SLC2A13: variants seen among roughly 807,000 people sequenced by gnomAD.
SLC2A13 encodes the protein proton myo-inositol cotransporter.
SLC2A13 carries 32 observed loss-of-function variants against 64.4 expected under a neutral mutation model. The observed-to-expected ratio is 0.50, with a 90% CI of 0.37 to 0.67. The LOEUF (loss-of-function observed/expected upper bound fraction) is 0.67, where lower values mean the gene tolerates loss of function less well. Among genes scored for constraint, SLC2A13 ranks in the 30% least tolerant of loss-of-function variants. SLC2A13 has a pLI of 0.00. For missense variants in SLC2A13, 743 were observed against 829.2 expected (o/e 0.90, Z 1.28); for synonymous variants, 338 against 327.1 (o/e 1.03, Z -0.36).
intron 3 of SLC2A13, among the ~76,000 whole-genome samples, chr12:40,015,241 C>T (rs776781978): frequency 1.3e-5 from 2 of 151,706 alleles, no homozygotes; most frequent in African/African-American, 2.4e-5. Context: ...CCAAGGAGAC[C>T]TATGCAATTT....
chr12:39,902,038 T>C (rs1423110242), intron 4 of SLC2A13, among the ~76,000 whole-genome samples: 2 of 152,030 alleles, frequency 1.3e-5, no homozygotes, highest in Non-Finnish European at 2.9e-5. Context: ...TCATGTCCTT[T>C]GTAGGGACAT....
chr12:40,009,297 C>T (rs1947480458), intron 3 of SLC2A13, among the ~76,000 whole-genome samples: 1 of 152,082 alleles, frequency 6.6e-6, no homozygotes, highest in Admixed American at 6.6e-5. Flanking sequence ...AAGAAAAATG[C>T]CTGAAATCTT....
intron 4 of SLC2A13, among the ~76,000 whole-genome samples, chr12:39,915,468 G>T (rs1945506997): frequency 6.6e-6 from 1 of 151,870 alleles, no homozygotes; most frequent in Non-Finnish European, 1.5e-5. Context: ...AATCCTTATG[G>T]GGCAAGATCA....
chr12:40,037,814 A>C (rs1187907754), intron 2 of SLC2A13, among the ~76,000 whole-genome samples: 2 of 152,124 alleles, frequency 1.3e-5, no homozygotes, highest in African/African-American at 4.8e-5. Context: ...ATTTATTGGC[A>C]CCAAGTTGTT....
In SLC2A13 at chr12:39,864,788, A is replaced by T. The variant is rs779554146; in HGVS notation, c.1293T>A (p.Gly431=). Residue 431 remains glycine, a synonymous_variant, in exon 6 of 10, where the codon GGT becomes GGA. Transcript: ENST00000280871. ...RITFKPIAPS[G]QNATCTRYSY... ...TGTATCTTGTGCAAGTGGCGTTCTG[A>T]CCTGACGGAGCTATTGGCTTAAAAG... The T allele has an allele frequency of 6.2e-7, 1 of 1,613,914 alleles. No individual in the cohort carries two copies. The highest frequency in any genetic ancestry group is 8.5e-7 in the Non-Finnish European group (1 of 1,179,964).
intron 4 of SLC2A13, among the ~76,000 whole-genome samples, chr12:39,889,985 C>G (rs1367723572): frequency 1.3e-5 from 2 of 152,166 alleles, no homozygotes; most frequent in Non-Finnish European, 2.9e-5. Context: ...ATATTTTACA[C>G]TTCTACATAG....
intron 7 of SLC2A13, among the ~76,000 whole-genome samples, chr12:39,803,280 G>A (rs533240473): frequency 2.7e-5 from 4 of 150,026 alleles, no homozygotes; most frequent in East Asian, 2.0e-4. Context: ...AGATAAAACC[G>A]TGATGAAAAT....
At chr12:39,764,138 T>C (rs145815059) in intron 9 of SLC2A13, among the ~76,000 whole-genome samples, 8 of 152,162 alleles carry the variant, frequency 5.3e-5, no homozygotes, top group Non-Finnish European at 8.8e-5. Flanking sequence ...TTTTTTTTTT[T>C]TGTTTGTTTC....
chr12:40,040,460 T>C (rs781496207), intron 2 of SLC2A13, among the ~76,000 whole-genome samples: 1 of 152,208 alleles, frequency 6.6e-6, no homozygotes, highest in Admixed American at 6.5e-5. Context: ...TGGCGTGATC[T>C]TGGCTCACTG....
intron 7 of SLC2A13, among the ~76,000 whole-genome samples, chr12:39,825,034 G>C (rs2135835924): frequency 6.6e-6 from 1 of 152,290 alleles, no homozygotes; most frequent in East Asian, 1.9e-4. Context: ...TGTTACATCA[G>C]AGTGCAGCTT....
At chr12:39,978,517 C>G (rs988215927) in intron 3 of SLC2A13, among the ~76,000 whole-genome samples, 48 of 152,172 alleles carry the variant, frequency 3.2e-4, no homozygotes, top group Non-Finnish European at 7.3e-5. Flanking sequence ...CTGGGAAGCG[C>G]AAGGGGTCAG....
intron 3 of SLC2A13, among the ~76,000 whole-genome samples, chr12:39,980,387 TAA>T (rs1435576288): frequency 6.6e-6 from 1 of 151,822 alleles, no homozygotes; most frequent in East Asian, 1.9e-4. Context: ...GCAAGTTGGA[TAA>T]AGAGTCAAGA....
chr12:40,038,904 C>A (rs1356839957), intron 2 of SLC2A13, among the ~76,000 whole-genome samples: 2 of 150,370 alleles, frequency 1.3e-5, no homozygotes, highest in Non-Finnish European at 3.0e-5. Context: ...TTTTTATAAT[C>A]TTTTATCTAG....
Position 40,105,145 on chromosome 12 carries a change from A to C in SLC2A13, c.556+108T>G. 1 of 1,344,984 alleles carries C rather than the reference A, an allele frequency of 7.4e-7. No homozygotes were observed. Among genetic ancestry groups the C allele is most frequent in the Non-Finnish European group, 9.5e-7 (1 of 1,047,696 alleles). 83.3% of individuals were successfully genotyped at this position (1,344,984 alleles called of 1,614,324 possible). ...GGCCAGAGAAGTGGAGGATTCTCTG[A>C]CCCTGGGAGACCAGACGGGGACCCC... On this transcript the variant is annotated intron_variant, in intron 1 of 9. Transcript: ENST00000280871. This position sits in a 1 kb window ranked among gnomAD's most constrained non-coding sequence, Gnocchi z 4.2.
At chr12:39,836,694 AACAG>A (rs1299493061) in intron 6 of SLC2A13, among the ~76,000 whole-genome samples, 1 of 121,626 alleles carries the variant, frequency 8.2e-6, no homozygotes, top group African/African-American at 3.2e-5. Flanking sequence ...ATACACCAAC[AACAG>A]ACAAACAGAG....
intron 4 of SLC2A13, among the ~76,000 whole-genome samples, chr12:39,892,219 C>T (rs1944630271): frequency 6.6e-6 from 1 of 152,222 alleles, no homozygotes; most frequent in Admixed American, 6.5e-5. Flanking sequence ...AATAAGGCTG[C>T]CTCTTACCCT....
intron 4 of SLC2A13, among the ~76,000 whole-genome samples, chr12:39,878,371 T>C (rs1396267074): frequency 2.6e-5 from 4 of 152,218 alleles, no homozygotes; most frequent in Admixed American, 6.5e-5. Context: ...ACCGACTAAA[T>C]GGTTGTGACC....
At chr12:40,011,252 T>G (rs1947526804) in intron 3 of SLC2A13, among the ~76,000 whole-genome samples, 1 of 152,154 alleles carries the variant, frequency 6.6e-6, no homozygotes, top group Admixed American at 6.5e-5. Flanking sequence ...ATTTGTAGCA[T>G]TAAACATCCT....
At chr12:40,058,763 C>A (rs549693179) in intron 1 of SLC2A13, among the ~76,000 whole-genome samples, 2 of 152,234 alleles carry the variant, frequency 1.3e-5, no homozygotes, top group South Asian at 4.1e-4. Context: ...TATATAGCTA[C>A]CTAACATTTA....
Sources: allele counts gnomAD v4.1 joint callset (sites outside exome capture counted in the v4.1 genomes callset), GRCh38; gene constraint gnomAD v4.1.1; non-coding constraint Gnocchi (gnomAD v3.1); transcripts MANE v1.5; gene names NCBI Gene and HGNC (gene_info 2026-07-23, HGNC 2026-07-21).